Variants in SND1 observed in about 807,000 individuals in gnomAD.
The protein encoded by SND1 is staphylococcal nuclease domain-containing protein 1.
A neutral mutation model predicts 121.7 loss-of-function variants in SND1; 38 were observed. The ratio of observed to expected loss-of-function variants is 0.31; its 90% CI spans 0.24 to 0.41. The LOEUF (loss-of-function observed/expected upper bound fraction) is 0.41. Ranked by LOEUF, SND1 falls within the 10% of genes least tolerant of loss-of-function variation. The probability of loss-of-function intolerance (pLI) is 1.00; values close to 1 mark genes in which losing one functional copy is unlikely to be tolerated. For synonymous variants in SND1, 401 were observed against 447.4 expected (o/e 0.90, Z 1.31); for missense variants, 868 against 1,184.6 (o/e 0.73, Z 3.92).
chr7:127,932,162 A>G (rs1258717231), intron 15 of SND1, among the ~76,000 whole-genome samples: 2 of 152,254 alleles, frequency 1.3e-5, no homozygotes, highest in East Asian at 3.8e-4. Context: ...GAATGGATTC[A>G]CCACTTTAAA....
intron 16 of SND1, among the ~76,000 whole-genome samples, chr7:128,033,895 C>T (rs1382215826): frequency 6.6e-6 from 1 of 152,202 alleles, no homozygotes; most frequent in East Asian, 1.9e-4. Flanking sequence ...CATTCATCCA[C>T]TTCAATAGTC....
In SND1 at chr7:128,085,856, C is replaced by A; in HGVS notation, c.2304+76C>A. 1.6e-6 allele frequency: 2 copies of A among 1,240,454 alleles called. No individual in the cohort carries two copies. The highest frequency in any genetic ancestry group is 1.2e-5 in the South Asian group (1 of 82,256). 76.8% of individuals were successfully genotyped at this position (1,240,454 alleles called of 1,614,324 possible). On this transcript the variant is annotated intron_variant, in intron 20 of 23. Transcript: ENST00000354725. The surrounding 1 kb of genome is among the most constrained non-coding windows in gnomAD (Gnocchi z 4.4). ...CCGAGTCAAATCCATCTGATCTCTC[C>A]AAGGTCCCTCTGAGCTTACCAATAG...
At chr7:128,058,442 G>T (rs546197875) in intron 16 of SND1, among the ~76,000 whole-genome samples, 1 of 152,340 alleles carries the variant, frequency 6.6e-6, no homozygotes, top group Middle Eastern at 3.4e-3. Context: ...GAATGGCAGA[G>T]GCTAAATTTG....
At chr7:127,824,683 A>T (rs537950627) in intron 11 of SND1, among the ~76,000 whole-genome samples, 33 of 152,260 alleles carry the variant, frequency 2.2e-4, no homozygotes, top group South Asian at 2.1e-3. Flanking sequence ...TTGCACATAT[A>T]TGAGACTCCT....
intron 16 of SND1, among the ~76,000 whole-genome samples, chr7:128,020,250 T>C: frequency 6.6e-6 from 1 of 152,168 alleles, no homozygotes; most frequent in East Asian, 1.9e-4. Context: ...TAAGCACAGA[T>C]AACAGTACTG....
At chr7:127,894,395 AAAG>A (rs527395724) in intron 13 of SND1, among the ~76,000 whole-genome samples, 60 of 152,088 alleles carry the variant, frequency 3.9e-4, no homozygotes, top group African/African-American at 1.4e-3. Context: ...AAAAAAAAAA[AAAG>A]AAGAAAGAAA....
At chr7:127,892,293 G>A (rs772197289) in intron 13 of SND1, among the ~76,000 whole-genome samples, 18 of 152,078 alleles carry the variant, frequency 1.2e-4, no homozygotes, top group Non-Finnish European at 1.9e-4. Context: ...TTTCATGGGC[G>A]CTCAGGGAGT....
At chr7:128,043,019 G>T (rs1792881877) in intron 16 of SND1, among the ~76,000 whole-genome samples, 2 of 152,130 alleles carry the variant, frequency 1.3e-5, no homozygotes, top group African/African-American at 4.8e-5. Context: ...ACTTTCTAAG[G>T]GCTCACGCAT....
chr7:127,983,041 G>A lies in SND1; in HGVS notation c.1670-7906G>A, dbSNP rs529762426. Among the ~76,000 whole-genome samples the A allele has an allele frequency of 3.0e-3, 459 of 152,298 alleles. 5 individuals carry two copies. The highest frequency in any genetic ancestry group is 5.1e-3 in the Non-Finnish European group (347 of 68,028). On this transcript the variant is annotated intron_variant, in intron 15 of 23. Transcript: ENST00000354725. ...GAATACCTGTCTATATATTGTTGGC[G>A]CTGAAGAATTTTTGAAATCGGCCTG...
chr7:127,659,848 T>C (rs1795277335), intron 1 of SND1, among the ~76,000 whole-genome samples: 1 of 152,094 alleles, frequency 6.6e-6, no homozygotes, highest in African/African-American at 2.4e-5. Flanking sequence ...GGATGCATTG[T>C]CTCTAAGCAT....
At chr7:128,025,681 A>G (rs1240651841) in intron 16 of SND1, among the ~76,000 whole-genome samples, 1 of 152,196 alleles carries the variant, frequency 6.6e-6, no homozygotes, top group African/African-American at 2.4e-5. Flanking sequence ...ATATACCATG[A>G]TAGCAAAGGA....
At chr7:127,834,275 A>G (rs1798825131) in intron 11 of SND1, among the ~76,000 whole-genome samples, 3 of 152,106 alleles carry the variant, frequency 2.0e-5, no homozygotes, top group Admixed American at 6.5e-5. Context: ...GCTAAGCAAT[A>G]TTTTTGCATC....
At chr7:127,766,076 A>G (rs571422079) in intron 10 of SND1, among the ~76,000 whole-genome samples, 1 of 152,330 alleles carries the variant, frequency 6.6e-6, no homozygotes, top group Admixed American at 6.5e-5. Context: ...ATGCCCACAT[A>G]TAAGGGCTTG....
intron 15 of SND1, among the ~76,000 whole-genome samples, chr7:127,971,961 G>A (rs770311157): frequency 6.6e-6 from 1 of 151,618 alleles, no homozygotes; most frequent in African/African-American, 2.4e-5. Flanking sequence ...TTTTAGTAGA[G>A]ACCAGGTTTC....
chr7:127,997,426 G>A, intron 16 of SND1: 1 of 313,534 alleles, frequency 3.2e-6, no homozygotes, highest in South Asian at 2.8e-5. Flanking sequence ...TGAAGAATTT[G>A]CTATGCCCAT....
intron 10 of SND1, among the ~76,000 whole-genome samples, chr7:127,771,032 A>G (rs1797503896): frequency 6.6e-6 from 1 of 152,224 alleles, no homozygotes; most frequent in African/African-American, 2.4e-5. Context: ...ACTATTCAGC[A>G]TGGAAGCATC....
At chr7:127,813,590 T>C (rs1264665630) in intron 11 of SND1, among the ~76,000 whole-genome samples, 5 of 152,096 alleles carry the variant, frequency 3.3e-5, no homozygotes, top group African/African-American at 7.2e-5. Context: ...GGAGTTTTGC[T>C]CTTGTGGCCC....
intron 16 of SND1, among the ~76,000 whole-genome samples, chr7:128,050,579 C>A (rs1211485675): frequency 1.3e-5 from 2 of 152,200 alleles, no homozygotes; most frequent in African/African-American, 4.8e-5. Flanking sequence ...AGATCCCCAG[C>A]AATTTTGCCA....
At chr7:127,985,329 C>T (rs1802362680) in intron 15 of SND1, among the ~76,000 whole-genome samples, 2 of 152,212 alleles carry the variant, frequency 1.3e-5, no homozygotes, top group Non-Finnish European at 2.9e-5. Flanking sequence ...ACAATCTCAG[C>T]TCACTGCAAC....
Sources: gnomAD v4.1 joint callset for allele counts (sites outside exome capture counted in the v4.1 genomes callset) on GRCh38, gnomAD v4.1.1 for gene constraint, Gnocchi (gnomAD v3.1) non-coding constraint, MANE v1.5 for transcripts, NCBI Gene and HGNC (gene_info 2026-07-23, HGNC 2026-07-21) for gene names.